The following CFAP54 variants were observed in gnomAD, a reference collection of about 807,000 sequenced individuals.
CFAP54 encodes the protein cilia and flagella associated protein 54, also known as cilia- and flagella-associated protein 54.
CFAP54 carries 290 observed loss-of-function variants against 370.4 expected under a neutral mutation model. The observed-to-expected ratio is 0.78, with a 90% CI of 0.71 to 0.86. The LOEUF (loss-of-function observed/expected upper bound fraction) is 0.86, where lower values mean the gene tolerates loss of function less well. Among genes scored for constraint, CFAP54 ranks in the 40% least tolerant of loss-of-function variants. The pLI is 0.00. For missense variants in CFAP54, 3,399 were observed against 3,528.7 expected (o/e 0.96, Z 0.93); for synonymous variants, 1,206 against 1,236.5 (o/e 0.98, Z 0.52).
chr12:96,858,965 A>G (rs1274540303), intron 66 of CFAP54, among the ~76,000 whole-genome samples: 1 of 152,258 alleles, frequency 6.6e-6, no homozygotes, highest in Non-Finnish European at 1.5e-5. Context: ...TTAAGCAAAA[A>G]GAACAAAACT....
intron 39 of CFAP54, among the ~76,000 whole-genome samples, chr12:96,664,715 CTATATATATCTA>C (rs1957047121): frequency 1.6e-4 from 11 of 66,740 alleles, no homozygotes; most frequent in South Asian, 6.3e-4. Context: ...ATATATATAT[CTATATATATCTA>C]TATATATATA....
intron 2 of CFAP54, among the ~76,000 whole-genome samples, chr12:96,502,000 C>T (rs1297586801): frequency 2.0e-5 from 3 of 152,110 alleles, no homozygotes; most frequent in Non-Finnish European, 4.4e-5. Flanking sequence ...AAGATAGCCC[C>T]CTTTCCATCC....
chr12:96,589,176 A>C (rs1462619536), intron 22 of CFAP54, among the ~76,000 whole-genome samples: 1 of 152,218 alleles, frequency 6.6e-6, no homozygotes, highest in East Asian at 1.9e-4. Flanking sequence ...AAACATCCTT[A>C]CAGAGTTTCA....
At chr12:96,841,560 T>C (rs1185337563) in intron 66 of CFAP54, among the ~76,000 whole-genome samples, 2 of 152,226 alleles carry the variant, frequency 1.3e-5, no homozygotes, top group Non-Finnish European at 2.9e-5. Flanking sequence ...AGGTGTGAAT[T>C]TACCCATTTC....
Position 96,576,610 on chromosome 12 carries a change from T to A in CFAP54, c.2645T>A (p.Ile882Asn). 2.0e-6 allele frequency: 3 copies of A among 1,533,754 alleles called. No homozygotes were observed. Among genetic ancestry groups the A allele is most frequent in the Non-Finnish European group, 2.6e-6 (3 of 1,145,148 alleles). ...LMEAYSLIQR[I>N]EAEQNALYSY... ...GAAGCATATTCCTTAATTCAGAGGA[T>A]TGAAGCTGAACAAAATGCCCTATAT... Residue 882 changes from isoleucine to asparagine, a missense_variant, in exon 20 of 68, where the codon ATT (isoleucine) becomes AAT (asparagine). Physicochemically the swap from Ile to Asn is moderately radical, Grantham distance 149 (BLOSUM62 -3). Coordinates refer to ENST00000524981, the MANE Select transcript of CFAP54 (RefSeq NM_001306084.2).
chr12:96,729,872 G>C (rs1957898978), intron 50 of CFAP54, among the ~76,000 whole-genome samples: 1 of 152,096 alleles, frequency 6.6e-6, no homozygotes, highest in Non-Finnish European at 1.5e-5. Flanking sequence ...ACTATGAAGG[G>C]GAGTAGAGAA....
chr12:96,788,397 G>T (rs1355319473), intron 62 of CFAP54, among the ~76,000 whole-genome samples: 1 of 152,156 alleles, frequency 6.6e-6, no homozygotes, highest in Non-Finnish European at 1.5e-5. Flanking sequence ...TCTGTGAAAT[G>T]AATAAGTTGT....
At chr12:96,530,107 C>T (rs1304024562) in intron 9 of CFAP54, among the ~76,000 whole-genome samples, 1 of 151,950 alleles carries the variant, frequency 6.6e-6, no homozygotes, top group Non-Finnish European at 1.5e-5. Flanking sequence ...CTGCAGTATC[C>T]CTTAGTCATA....
intron 16 of CFAP54, 115 bp from the exon 17 acceptor site, chr12:96,554,561 C>T: frequency 8.6e-7 from 1 of 1,162,824 alleles, no homozygotes; most frequent in Non-Finnish European, 1.2e-6. Flanking sequence ...GAGAAGTGAG[C>T]AGAATGTAAT....
At chr12:96,852,425 G>T (rs1959574079) in intron 66 of CFAP54, among the ~76,000 whole-genome samples, 1 of 152,010 alleles carries the variant, frequency 6.6e-6, no homozygotes, top group African/African-American at 2.4e-5. Flanking sequence ...TATGACAGAG[G>T]TAACTCATCT....
At chr12:96,690,218 A>T (rs1179686551) in intron 43 of CFAP54, among the ~76,000 whole-genome samples, 12 of 152,254 alleles carry the variant, frequency 7.9e-5, no homozygotes, top group Non-Finnish European at 4.4e-5. Context: ...GATTTATTTT[A>T]AAAGCCTATT....
At chr12:96,749,371 T>C (rs1958157522) in intron 55 of CFAP54, among the ~76,000 whole-genome samples, 1 of 152,250 alleles carries the variant, frequency 6.6e-6, no homozygotes, top group Non-Finnish European at 1.5e-5. Flanking sequence ...TCCCAAAGTC[T>C]CTGCCTCTAA....
intron 51 of CFAP54, among the ~76,000 whole-genome samples, chr12:96,740,970 G>A (rs1396939036): frequency 3.3e-5 from 5 of 152,162 alleles, no homozygotes; most frequent in African/African-American, 9.7e-5. Flanking sequence ...GTAGTGCTGA[G>A]GTTGAGAAAC....
intron 15 of CFAP54, among the ~76,000 whole-genome samples, chr12:96,550,717 G>A (rs796526713): frequency 6.6e-5 from 10 of 152,342 alleles, no homozygotes; most frequent in African/African-American, 2.2e-4. Context: ...CAAGCATGTT[G>A]CAGAGCTCAT....
intron 26 of CFAP54, among the ~76,000 whole-genome samples, chr12:96,616,364 G>T (rs1234427856): frequency 6.6e-6 from 1 of 151,984 alleles, no homozygotes; most frequent in Non-Finnish European, 1.5e-5. Context: ...GCCTGTCGTG[G>T]GGTGGTGGGA....
chr12:96,629,980 G>A, intron 30 of CFAP54, 113 bp from the exon 31 acceptor site: 1 of 472,720 alleles, frequency 2.1e-6, no homozygotes, highest in Non-Finnish European at 3.7e-6. Flanking sequence ...TAGGACACAA[G>A]CAGTTTTAGA....
intron 62 of CFAP54, among the ~76,000 whole-genome samples, chr12:96,791,432 A>G (rs1592763574): frequency 6.6e-6 from 1 of 152,154 alleles, no homozygotes; most frequent in East Asian, 1.9e-4. Context: ...CTATACATTT[A>G]TATTTCTGAA....
chr12:96,615,509 A>C (rs1956405469), intron 26 of CFAP54, among the ~76,000 whole-genome samples: 1 of 152,212 alleles, frequency 6.6e-6, no homozygotes, highest in African/African-American at 2.4e-5. Flanking sequence ...AAAATTGACA[A>C]ATGGGATCTA....
At chr12:96,870,029 C>T (rs976334363) in intron 67 of CFAP54, among the ~76,000 whole-genome samples, 20 of 151,312 alleles carry the variant, frequency 1.3e-4, no homozygotes, top group Non-Finnish European at 1.9e-4. Flanking sequence ...TTTTGGATGC[C>T]GAGGTGGGCG....
Sources: allele counts gnomAD v4.1 joint callset (sites outside exome capture counted in the v4.1 genomes callset), GRCh38; gene constraint gnomAD v4.1.1; transcripts MANE v1.5; gene names NCBI Gene and HGNC (gene_info 2026-07-23, HGNC 2026-07-21).